The following CCDC86 variants were observed in gnomAD, a reference collection of about 807,000 sequenced individuals.
CCDC86 encodes the protein coiled-coil domain-containing protein 86.
Under a neutral mutation model 36.7 loss-of-function variants are expected in CCDC86, and 28 were observed. That is an observed-to-expected ratio of 0.76 (90% CI 0.57 to 1.05). CCDC86 has a LOEUF of 1.05. Among genes scored for constraint, CCDC86 ranks in the 50% least tolerant of loss-of-function variants. The pLI is 0.00. For synonymous variants in CCDC86, 199 were observed against 203.4 expected (o/e 0.98, Z 0.18); for missense variants, 453 against 470.2 (o/e 0.96, Z 0.34).
chr11:60,842,664 G>GCTGA lies in CCDC86; in HGVS notation c.542_545dup (p.Pro183AspfsTer13). Reference sequence around the variant, plus strand: ...CGGAGCCCTCTCAGCCACTACTGGAGCTGACACCCAGGGCACCTGGCTCCC... The same window carrying GCTGA: ...CGGAGCCCTCTCAGCCACTACTGGAGCTGACTGACACCCAGGGCACCTGGCTCCC... On this transcript the variant is annotated frameshift_variant, in exon 1 of 4. Transcript: ENST00000227520. LOFTEE classifies it high-confidence loss of function. 1 of 1,613,922 alleles carries GCTGA rather than the reference G, an allele frequency of 6.2e-7. No homozygotes were observed. Among genetic ancestry groups the GCTGA allele is most frequent in the South Asian group, 1.1e-5 (1 of 91,082 alleles).
chr11:60,844,752 G>C (rs1449722471), intron 1 of CCDC86, among the ~76,000 whole-genome samples: 1 of 152,234 alleles, frequency 6.6e-6, no homozygotes, highest in Non-Finnish European at 1.5e-5. Context: ...GAGTGTAAGA[G>C]TGGGGACTTA....
chr11:60,843,250 C>T (rs1332028207), intron 1 of CCDC86, among the ~76,000 whole-genome samples: 1 of 152,204 alleles, frequency 6.6e-6, no homozygotes, highest in Non-Finnish European at 1.5e-5. Context: ...GGTCTTCATC[C>T]AATATAGTCT....
chr11:60,842,527 G>A lies in CCDC86; in HGVS notation c.403G>A (p.Ala135Thr). ...PKCSQDQGVL[A>T]SELAQNKEEL... Reference sequence around the variant, plus strand: ...GTGTTCTCAGGACCAGGGAGTACTGGCCTCGGAGTTGGCCCAGAATAAGGA... The same window carrying A: ...GTGTTCTCAGGACCAGGGAGTACTGACCTCGGAGTTGGCCCAGAATAAGGA... Residue 135 changes from alanine (A) to threonine (T), a missense_variant, in exon 1 of 4, where the codon GCC becomes ACC. Transcript: ENST00000227520. 1.2e-6 allele frequency: 2 copies of A among 1,613,544 alleles called. No individual in the cohort carries two copies. Among genetic ancestry groups the A allele is most frequent in the South Asian group, 2.2e-5 (2 of 91,090 alleles).
At chr11:60,844,799 G>T (rs77470821) in intron 1 of CCDC86, among the ~76,000 whole-genome samples, 31 of 152,346 alleles carry the variant, frequency 2.0e-4, no homozygotes, top group African/African-American at 7.5e-4. Context: ...CCAGTGCAGG[G>T]TAGGGCACTA....
In CCDC86 at chr11:60,842,745, C is replaced by G. The variant is rs769174673; in HGVS notation, c.621C>G (p.Gly207=). 1 of 1,613,486 alleles carries G rather than the reference C, an allele frequency of 6.2e-7. No homozygotes were observed. The highest frequency in any genetic ancestry group is 1.1e-5 in the South Asian group (1 of 91,044). ...KPPPAGETVT[G]GFGAKKRKGS... is the part of the protein sequence containing the mutation. ...CTCCAGCTGGGGAGACGGTGACAGG[C>G]GGCTTCGGGGCAAAGAAGCGAAAAG... The change falls in exon 1 of 4, where the codon GGC becomes GGG. Residue 207 remains glycine (G), a synonymous_variant. Coordinates refer to ENST00000227520, the MANE Select transcript of CCDC86 (RefSeq NM_024098.4).
Position 60,844,389 on chromosome 11 carries a change from C to T in CCDC86, c.758+1507C>T, listed in dbSNP as rs146472869. ...TGCACTCCAGACTCCTTAATGAGGCCGGCAGGCCCACCCTCCTCTCCCCTC... is the reference window on the plus strand; with the variant it reads ...TGCACTCCAGACTCCTTAATGAGGCTGGCAGGCCCACCCTCCTCTCCCCTC... On this transcript the variant is annotated intron_variant, in intron 1 of 3. Coordinates refer to ENST00000227520, the MANE Select transcript of CCDC86 (RefSeq NM_024098.4). Among the ~76,000 whole-genome samples, 767 of 152,270 alleles carry T rather than the reference C, an allele frequency of 5.0e-3. 12 individuals carry two copies. The highest frequency in any genetic ancestry group is 0.016 in the African/African-American group (681 of 41,534).
Position 60,842,862 on chromosome 11 carries a change from G to A in CCDC86, c.738G>A (p.Trp246Ter). 1.9e-6 allele frequency: 3 copies of A among 1,573,948 alleles called. No homozygotes were observed. The highest frequency in any genetic ancestry group is 2.6e-6 in the Non-Finnish European group (3 of 1,158,338). Residue 246 changes from tryptophan to a stop codon, truncating the protein, a stop_gained, in exon 1 of 4, where the codon TGG (tryptophan) becomes TGA (stop). Transcript: ENST00000227520. LOFTEE classifies it high-confidence loss of function. ...PKGKPKSGRV[W>*]KDRSKKRFSQ... ...GGAAGCCCAAATCGGGGCGAGTGTG[G>A]AAGGACCGCTCCAAGAAAAGGTGAA...
In CCDC86 at chr11:60,842,508, T is replaced by C; in HGVS notation, c.384T>C (p.Ser128=). ...CAAGTGAGGAGGCACCAAAGTGTTCTCAGGACCAGGGAGTACTGGCCTCGG... is the reference window on the plus strand; with the variant it reads ...CAAGTGAGGAGGCACCAAAGTGTTCCCAGGACCAGGGAGTACTGGCCTCGG... ...PKPSEEAPKC[S]QDQGVLASEL... The change falls in exon 1 of 4, where the codon TCT becomes TCC. Residue 128 remains serine (S), a synonymous_variant. Transcript: ENST00000227520. 1 of 1,613,662 alleles carries C rather than the reference T, an allele frequency of 6.2e-7. No individual in the cohort carries two copies.
Position 60,842,336 on chromosome 11 carries a change from G to A in CCDC86, c.212G>A (p.Arg71His), listed in dbSNP as rs773930373. Reference sequence around the variant, plus strand: ...CCGAAGACAAGCCCAGGATCACCCCGTCTGCAGCAGGGTGCAGGCTTGGAG... The same window carrying A: ...CCGAAGACAAGCCCAGGATCACCCCATCTGCAGCAGGGTGCAGGCTTGGAG... ...RPPKTSPGSP[R>H]LQQGAGLESP... The change falls in exon 1 of 4, where the codon CGT becomes CAT. Residue 71 changes from arginine to histidine, a missense_variant. Arg to His is a conservative substitution (Grantham distance 29, BLOSUM62 0). Transcript: ENST00000227520. The A allele has an allele frequency of 2.5e-6, 4 of 1,613,736 alleles. No homozygotes were observed. The highest frequency in any genetic ancestry group is 2.2e-5 in the South Asian group (2 of 91,066).
chr11:60,843,074 C>A, intron 1 of CCDC86, 192 bp downstream of exon 1: 1 of 730,630 alleles, frequency 1.4e-6, no homozygotes, highest in Non-Finnish European at 2.0e-6. Context: ...GGGGCCAGGC[C>A]CTCAAAGATC....
chr11:60,849,809 A>G, intron 2 of CCDC86, 131 bp from the exon 3 acceptor site: 2 of 767,412 alleles, frequency 2.6e-6, no homozygotes, highest in Non-Finnish European at 4.4e-6. Context: ...CACATCACCA[A>G]CCTGGAGCCT....
Position 60,842,857 on chromosome 11 carries a change from G to T in CCDC86, c.733G>T (p.Val245Leu). The change falls in exon 1 of 4, where the codon GTG becomes TTG. Residue 245 changes from valine (V) to leucine (L), a missense_variant. Transcript: ENST00000227520. ...IPKGKPKSGRVWKDRSKKRFS... is the reference protein window; with the variant it reads ...IPKGKPKSGRLWKDRSKKRFS... ...GAAGGGGAAGCCCAAATCGGGGCGA[G>T]TGTGGAAGGACCGCTCCAAGAAAAG... The T allele has an allele frequency of 1.3e-6, 2 of 1,580,840 alleles. No homozygotes were observed. The highest frequency in any genetic ancestry group is 2.2e-5 in the East Asian group (1 of 44,474).
rs7949451 is a variant in CCDC86, at chr11:60,847,762, C to T, written c.759-162C>T. On this transcript the variant is annotated intron_variant, in intron 1 of 3. Transcript: ENST00000227520. ...CAGCACGATCAGGGTTCCCTCCCGCCCCAAGTTTCTGCAGCCCTGGAAGGC... is the reference window on the plus strand; with the variant it reads ...CAGCACGATCAGGGTTCCCTCCCGCTCCAAGTTTCTGCAGCCCTGGAAGGC... 9.7e-3 allele frequency: 8,907 copies of T among 918,160 alleles called. 553 individuals carry two copies. The African/African-American group carries it at 0.13, about 14-fold the overall frequency. The allele number at this position is 918,160 out of a possible 1,614,324, so 56.9% of individuals were successfully genotyped here.
intron 1 of CCDC86, among the ~76,000 whole-genome samples, chr11:60,844,198 A>G (rs1855156959): frequency 6.6e-6 from 1 of 152,138 alleles, no homozygotes; most frequent in Admixed American, 6.5e-5. Context: ...GGGCCCATGC[A>G]GAGGTGGGGA....
intron 2 of CCDC86, among the ~76,000 whole-genome samples, chr11:60,848,573 G>T (rs1475773443): frequency 6.6e-6 from 1 of 152,116 alleles, no homozygotes; most frequent in East Asian, 1.9e-4. Flanking sequence ...CCCCTGTAAA[G>T]GGTCACAGCC....
chr11:60,845,106 G>T (rs1424181660), intron 1 of CCDC86, among the ~76,000 whole-genome samples: 1 of 152,238 alleles, frequency 6.6e-6, no homozygotes, highest in Non-Finnish European at 1.5e-5. Flanking sequence ...GCCGGGCAGA[G>T]ATCTGGGGAA....
chr11:60,846,377 TA>T (rs1855182477), intron 1 of CCDC86, among the ~76,000 whole-genome samples: 2 of 152,148 alleles, frequency 1.3e-5, no homozygotes. Context: ...CTTGAATCTT[TA>T]AAAGAGAAAG....
At chr11:60,845,661 C>G (rs1008644686) in intron 1 of CCDC86, among the ~76,000 whole-genome samples, 2 of 152,270 alleles carry the variant, frequency 1.3e-5, no homozygotes, top group African/African-American at 4.8e-5. Flanking sequence ...TCATGCCAAA[C>G]GCCACTTTCT....
intron 1 of CCDC86, among the ~76,000 whole-genome samples, chr11:60,845,093 G>A (rs1364307831): frequency 6.6e-6 from 1 of 152,344 alleles, no homozygotes; most frequent in East Asian, 1.9e-4. Context: ...CTGAGCAGAG[G>A]GAGCCGGGCA....
Sources: allele counts gnomAD v4.1 joint callset (sites outside exome capture counted in the v4.1 genomes callset), GRCh38; gene constraint gnomAD v4.1.1; transcripts MANE v1.5; gene names NCBI Gene and HGNC (gene_info 2026-07-23, HGNC 2026-07-21).